The following FBXW7 variants were observed in gnomAD, a reference collection of about 807,000 sequenced individuals.
FBXW7 encodes the protein F-box/WD repeat-containing protein 7.
FBXW7 carries 11 observed loss-of-function variants against 86.3 expected under a neutral mutation model. The observed-to-expected ratio is 0.13, with a 90% CI of 0.08 to 0.21. FBXW7 has a LOEUF of 0.21. Among genes scored for constraint, FBXW7 ranks in the 10% least tolerant of loss-of-function variants. FBXW7 has a pLI of 1.00. For missense variants in FBXW7, 488 were observed against 847.4 expected (o/e 0.58, Z 5.27); for synonymous variants, 313 against 297.9 (o/e 1.05, Z -0.52).
chr4:152,403,333 C>A (rs1479195951), intron 4 of FBXW7, among the ~76,000 whole-genome samples: 1 of 152,042 alleles, frequency 6.6e-6, no homozygotes, highest in African/African-American at 2.4e-5. Context: ...CAAAAATTAG[C>A]TGGACGTGGT....
At position 152,484,043 on chromosome 4, in the gene FBXW7, T is replaced by A. The variant is rs543094635; in HGVS notation, c.-120+50898A>T. The stretch of plus-strand genomic sequence containing the variant: ...GCTATTAATTTTACAGACTAGAACT[T>A]TGAATAGAGTCTACATGCAACACTA... On this transcript the variant is annotated intron_variant, in intron 2 of 13. Transcript: ENST00000281708. Among the ~76,000 whole-genome samples the A allele has an allele frequency of 2.6e-5, 4 of 152,276 alleles. No individual in the cohort carries two copies. The South Asian group carries it at 8.3e-4, about 32-fold the overall frequency.
chr4:152,360,018 T>C (rs1415355994), intron 4 of FBXW7, among the ~76,000 whole-genome samples: 1 of 152,190 alleles, frequency 6.6e-6, no homozygotes, highest in Non-Finnish European at 1.5e-5. Context: ...CTTGCAGGAT[T>C]AACAGCATCT....
chr4:152,411,043 G>A (rs1008750081), intron 4 of FBXW7: 47 of 516,544 alleles, frequency 9.1e-5, no homozygotes, highest in Non-Finnish European at 1.2e-4. Flanking sequence ...GCAAGGTTTA[G>A]ACGAAAATTT....
At chr4:152,463,161 G>A (rs1254491052) in intron 2 of FBXW7, among the ~76,000 whole-genome samples, 1 of 151,662 alleles carries the variant, frequency 6.6e-6, no homozygotes, top group Non-Finnish European at 1.5e-5. Context: ...GGTGGTGGGC[G>A]CCTGTAATCC....
At chr4:152,360,658 G>A (rs1047385367) in intron 4 of FBXW7, among the ~76,000 whole-genome samples, 3 of 151,838 alleles carry the variant, frequency 2.0e-5, no homozygotes, top group Non-Finnish European at 2.9e-5. Flanking sequence ...CTCAGAAACC[G>A]TTCATCAGGT....
chr4:152,464,634 C>A (rs1311222232), intron 2 of FBXW7, among the ~76,000 whole-genome samples: 1 of 152,120 alleles, frequency 6.6e-6, no homozygotes, highest in Non-Finnish European at 1.5e-5. Flanking sequence ...TCTAGCAACG[C>A]TAGGCAGCAC....
intron 4 of FBXW7, among the ~76,000 whole-genome samples, chr4:152,403,675 G>A (rs1737147946): frequency 6.6e-6 from 1 of 152,018 alleles, no homozygotes; most frequent in African/African-American, 2.4e-5. Flanking sequence ...CGCAAGCACA[G>A]TTCACAATAG....
intron 2 of FBXW7, among the ~76,000 whole-genome samples, chr4:152,467,938 T>A (rs551202639): frequency 6.6e-6 from 1 of 151,624 alleles, no homozygotes; most frequent in South Asian, 2.1e-4. Context: ...CCAGAATATA[T>A]AAAGAATGTT....
intron 2 of FBXW7, among the ~76,000 whole-genome samples, chr4:152,461,506 A>T (rs1742941156): frequency 6.6e-6 from 1 of 152,186 alleles, no homozygotes; most frequent in Admixed American, 6.5e-5. Context: ...ATGGAAACAG[A>T]GGGGTGACTG....
At chr4:152,366,403 C>A (rs115961264) in intron 4 of FBXW7, among the ~76,000 whole-genome samples, 9 of 152,214 alleles carry the variant, frequency 5.9e-5, no homozygotes, top group South Asian at 4.1e-4. Context: ...TAAAGTACAC[C>A]ACTTCTCACA....
intron 4 of FBXW7, chr4:152,352,887 G>A (rs1180096266): frequency 1.4e-6 from 2 of 1,451,348 alleles, no homozygotes; most frequent in East Asian, 4.9e-5. Context: ...AACACAGAAT[G>A]GTGCAGTCCA....
intron 4 of FBXW7, among the ~76,000 whole-genome samples, chr4:152,366,731 C>A (rs531632471): frequency 2.6e-5 from 4 of 152,232 alleles, no homozygotes; most frequent in South Asian, 4.1e-4. Flanking sequence ...TGTGGCGATT[C>A]TTCAAGGATC....
At chr4:152,357,394 C>T (rs1387667649) in intron 4 of FBXW7, among the ~76,000 whole-genome samples, 1 of 151,764 alleles carries the variant, frequency 6.6e-6, no homozygotes, top group Non-Finnish European at 1.5e-5. Flanking sequence ...AATCTCGGCT[C>T]ATTGCAACCT....
chr4:152,466,719 G>T (rs1451298836), intron 2 of FBXW7, among the ~76,000 whole-genome samples: 1 of 152,112 alleles, frequency 6.6e-6, no homozygotes, highest in Non-Finnish European at 1.5e-5. Flanking sequence ...GAGGTGGGCG[G>T]ATCACGAGGT....
At chr4:152,408,978 A>C (rs1737688468) in intron 4 of FBXW7, among the ~76,000 whole-genome samples, 1 of 152,220 alleles carries the variant, frequency 6.6e-6, no homozygotes, top group East Asian at 1.9e-4. Flanking sequence ...GCTTGCCATA[A>C]GGCTCCCAAA....
At chr4:152,379,139 T>A (rs1301168897) in intron 4 of FBXW7, among the ~76,000 whole-genome samples, 1 of 152,200 alleles carries the variant, frequency 6.6e-6, no homozygotes, top group Non-Finnish European at 1.5e-5. Context: ...CCTTATTTCA[T>A]ATATGCTTAT....
chr4:152,470,638 AT>A (rs1464629047), intron 2 of FBXW7, among the ~76,000 whole-genome samples: 1 of 152,160 alleles, frequency 6.6e-6, no homozygotes, highest in African/African-American at 2.4e-5. Flanking sequence ...GCGGTTAATA[AT>A]TTTATAATAA....
intron 6 of FBXW7, among the ~76,000 whole-genome samples, chr4:152,342,407 C>A (rs1730833393): frequency 6.6e-6 from 1 of 152,180 alleles, no homozygotes; most frequent in South Asian, 2.1e-4. Context: ...TCAAGGACAG[C>A]AAGAATTACT....
chr4:152,530,828 T>G (rs1749965603), intron 2 of FBXW7: 1 of 152,260 alleles, frequency 6.6e-6, no homozygotes, highest in East Asian at 1.9e-4. Context: ...TTCACTTCCT[T>G]GTTGTCTACA....
Sources: allele counts gnomAD v4.1 joint callset (sites outside exome capture counted in the v4.1 genomes callset), GRCh38; gene constraint gnomAD v4.1.1; transcripts MANE v1.5; gene names NCBI Gene and HGNC (gene_info 2026-07-23, HGNC 2026-07-21).